The following XKR6 variants were observed in gnomAD, a reference collection of about 807,000 sequenced individuals.
XKR6 encodes XK related 6, also known as XK-related protein 6.
XKR6 carries 22 observed loss-of-function variants against 56.7 expected under a neutral mutation model. That is an observed-to-expected ratio of 0.39 (90% CI 0.28 to 0.55). The LOEUF is 0.55. Ranked by LOEUF, XKR6 falls within the 20% of genes least tolerant of loss-of-function variation. The pLI is 0.66. For missense variants in XKR6, 852 were observed against 889.0 expected (o/e 0.96, Z 0.53); for synonymous variants, 524 against 387.8 (o/e 1.35, Z -4.13).
chr8:11,023,544 G>T (rs1366450459), intron 1 of XKR6, among the ~76,000 whole-genome samples: 1 of 152,228 alleles, frequency 6.6e-6, no homozygotes, highest in African/African-American at 2.4e-5. Flanking sequence ...CATTACAGGT[G>T]TGAGCCACTG....
intron 1 of XKR6, among the ~76,000 whole-genome samples, chr8:11,091,569 A>T (rs1798075262): frequency 6.6e-6 from 1 of 152,192 alleles, no homozygotes; most frequent in Non-Finnish European, 1.5e-5. Flanking sequence ...TGTCCAGGCT[A>T]GGGGGTCCAA....
intron 1 of XKR6, among the ~76,000 whole-genome samples, chr8:11,129,471 A>G (rs970016565): frequency 3.3e-5 from 5 of 152,162 alleles, no homozygotes; most frequent in African/African-American, 1.2e-4. Context: ...AATGTTATCA[A>G]ACAGTGGAGA....
intron 1 of XKR6, among the ~76,000 whole-genome samples, chr8:11,088,862 G>C (rs1327573662): frequency 6.6e-6 from 1 of 152,202 alleles, no homozygotes; most frequent in Non-Finnish European, 1.5e-5. Context: ...CCATGTTAGA[G>C]GTATAAGGCA....
chr8:11,083,588 G>A (rs1797796789), intron 1 of XKR6, among the ~76,000 whole-genome samples: 1 of 152,206 alleles, frequency 6.6e-6, no homozygotes, highest in African/African-American at 2.4e-5. Flanking sequence ...TCCCCTTGGG[G>A]GGCCTGGGGA....
chr8:11,048,774 T>G (rs1237453976), intron 1 of XKR6, among the ~76,000 whole-genome samples: 1 of 152,186 alleles, frequency 6.6e-6, no homozygotes, highest in Non-Finnish European at 1.5e-5. Flanking sequence ...CGGTGGCTGA[T>G]GCCTGGCGCT....
chr8:10,925,011 A>C (rs546645827), intron 1 of XKR6, among the ~76,000 whole-genome samples, 181 bp from the exon 2 acceptor site: 7 of 152,104 alleles, frequency 4.6e-5, no homozygotes, highest in African/African-American at 1.4e-4. Flanking sequence ...ATGCTGAGGC[A>C]TGGGGGAGGG....
At chr8:10,999,155 G>A (rs1798183680) in intron 1 of XKR6, among the ~76,000 whole-genome samples, 1 of 152,196 alleles carries the variant, frequency 6.6e-6, no homozygotes, top group Non-Finnish European at 1.5e-5. Context: ...TCAGGACAGG[G>A]ATTTCAGTCC....
At chr8:11,055,502 G>A (rs969136563) in intron 1 of XKR6, among the ~76,000 whole-genome samples, 1 of 152,164 alleles carries the variant, frequency 6.6e-6, no homozygotes, top group African/African-American at 2.4e-5. Flanking sequence ...GGGTCTAGGA[G>A]AGCCACAGGC....
chr8:11,155,229 C>G (rs1334162566), intron 1 of XKR6, among the ~76,000 whole-genome samples: 5 of 152,212 alleles, frequency 3.3e-5, no homozygotes, highest in Admixed American at 1.3e-4. Context: ...TTGCTTCAGG[C>G]TTCCAAATTT....
At chr8:10,976,876 G>A (rs1422059646) in intron 1 of XKR6, among the ~76,000 whole-genome samples, 2 of 152,112 alleles carry the variant, frequency 1.3e-5, no homozygotes, top group Admixed American at 6.5e-5. Context: ...GGCTGCCTGA[G>A]CCCCAGTGGG....
intron 1 of XKR6, among the ~76,000 whole-genome samples, chr8:11,065,428 C>T (rs1799950033): frequency 6.6e-6 from 1 of 152,198 alleles, no homozygotes; most frequent in Non-Finnish European, 1.5e-5. Context: ...CAGCTCTCTG[C>T]CTGCACTGAG....
rs1278535836 is a variant in XKR6 at position 11,035,291 on chromosome 8, G to T, written c.765-110461C>A. The T allele has an allele frequency of 1.1e-5, 6 of 534,684 alleles. No individual in the cohort carries two copies. The Admixed American group carries it at 1.2e-4, about 10-fold the overall frequency. The allele number at this position is 534,684 out of a possible 1,614,324, so 33.1% of individuals were successfully genotyped here. ...ATCGGGATCACCGCCAGCATCAGCA[G>T]CATCATCAAGCCATCTTCCTGCGTT... On this transcript the variant is annotated intron_variant, in intron 1 of 2. Coordinates refer to ENST00000416569, the MANE Select transcript of XKR6 (RefSeq NM_173683.4).
At chr8:10,935,258 T>TTA (rs1213655618) in intron 1 of XKR6, among the ~76,000 whole-genome samples, 2 of 127,262 alleles carry the variant, frequency 1.6e-5, no homozygotes, top group Non-Finnish European at 3.3e-5. Context: ...CCCTTTATCA[T>TTA]TTTTTATTGT....
chr8:11,016,971 T>G (rs1006070474), intron 1 of XKR6, among the ~76,000 whole-genome samples: 1 of 152,200 alleles, frequency 6.6e-6, no homozygotes, highest in African/African-American at 2.4e-5. Flanking sequence ...AGATAGAGAT[T>G]AGACGGATAG....
At chr8:11,195,694 G>A (rs1333370882) in intron 1 of XKR6, among the ~76,000 whole-genome samples, 1 of 150,188 alleles carries the variant, frequency 6.7e-6, no homozygotes, top group Non-Finnish European at 1.5e-5. Flanking sequence ...TGTCGCCCAG[G>A]CTGGAGTGCA....
intron 1 of XKR6, among the ~76,000 whole-genome samples, chr8:11,046,986 G>A (rs887539276): frequency 7.9e-5 from 12 of 152,128 alleles, no homozygotes; most frequent in Non-Finnish European, 1.5e-4. Context: ...GAGTGCCAGG[G>A]GCTGGGGAGA....
chr8:11,033,030 T>C (rs141018911), intron 1 of XKR6, among the ~76,000 whole-genome samples: 164 of 152,226 alleles, frequency 1.1e-3, no homozygotes, highest in African/African-American at 3.7e-3. Flanking sequence ...AGGATGATGA[T>C]GGTAATAATG....
intron 1 of XKR6, among the ~76,000 whole-genome samples, chr8:11,185,605 G>A (rs928417134): frequency 1.3e-5 from 2 of 152,156 alleles, no homozygotes; most frequent in Non-Finnish European, 1.5e-5. Context: ...TTTCCTGGGA[G>A]ATGGCACCCA....
At chr8:11,073,475 C>T (rs1010153747) in intron 1 of XKR6, among the ~76,000 whole-genome samples, 1 of 152,168 alleles carries the variant, frequency 6.6e-6, no homozygotes, top group Non-Finnish European at 1.5e-5. Flanking sequence ...GTCAACAGTC[C>T]TGGGACAATG....
Sources: gnomAD v4.1 joint callset for allele counts (sites outside exome capture counted in the v4.1 genomes callset) on GRCh38, gnomAD v4.1.1 for gene constraint, MANE v1.5 for transcripts, NCBI Gene and HGNC (gene_info 2026-07-23, HGNC 2026-07-21) for gene names.